Variants in ZBTB49 observed in about 807,000 individuals in gnomAD.
ZBTB49 encodes zinc finger and BTB domain containing 49.
Under a neutral mutation model 57.5 loss-of-function variants are expected in ZBTB49, and 43 were observed. The ratio of observed to expected loss-of-function variants is 0.75; its 90% CI spans 0.59 to 0.97. The LOEUF is 0.97. ZBTB49 is among the 50% of genes least tolerant of loss of function. The pLI is 0.00. For missense variants in ZBTB49, 938 were observed against 947.7 expected, an observed-to-expected ratio of 0.99 and a Z score of 0.13; for synonymous variants, 369 against 362.1, an observed-to-expected ratio of 1.02 and a Z score of -0.22.
At chr4:4,305,836 C>T (rs1720710961) in intron 3 of ZBTB49, among the ~76,000 whole-genome samples, 1 of 152,164 alleles carries the variant, frequency 6.6e-6, no homozygotes, top group Non-Finnish European at 1.5e-5. Context: ...GAAAACTCAA[C>T]CACAGGAAAA....
chr4:4,308,664 A>G (rs1720845759), intron 4 of ZBTB49, among the ~76,000 whole-genome samples: 1 of 152,228 alleles, frequency 6.6e-6, no homozygotes, highest in Non-Finnish European at 1.5e-5. Context: ...GCAAGCCTAC[A>G]GTGTCCATGT....
chr4:4,320,786 G>A lies in ZBTB49; in HGVS notation c.1768G>A (p.Asp590Asn). 1 of 1,614,204 alleles carries A rather than the reference G, an allele frequency of 6.2e-7. No individual in the cohort carries two copies. Among genetic ancestry groups the A allele is most frequent in the Admixed American group, 1.7e-5 (1 of 60,022 alleles). Reference sequence around the variant, plus strand: ...CAAGAAGATGCACTGCAAAGCTGGTGACGAGAGCCCAGATGTGCTGGAGGA... The same window carrying A: ...CAAGAAGATGCACTGCAAAGCTGGTAACGAGAGCCCAGATGTGCTGGAGGA... ...RHKKMHCKAG[D>N]ESPDVLEELS... Residue 590 changes from aspartate to asparagine, a missense_variant, in exon 8 of 8, where the codon GAC becomes AAC. By Grantham distance (23) the Asp-to-Asn change is conservative. Around this residue, in one of 3 missense-constraint regions of ZBTB49, gnomAD observed 835 missense variants for 819.1 expected, o/e 1.02. Coordinates refer to ENST00000337872, the MANE Select transcript of ZBTB49 (RefSeq NM_145291.4).
chr4:4,312,825 G>A (rs894124380), intron 4 of ZBTB49, among the ~76,000 whole-genome samples: 1 of 152,168 alleles, frequency 6.6e-6, no homozygotes, highest in Non-Finnish European at 1.5e-5. Flanking sequence ...ATGGAGGACG[G>A]GGTGGAGACA....
intron 1 of ZBTB49, among the ~76,000 whole-genome samples, chr4:4,299,350 G>A (rs2980169): frequency 0.25 from 37,704 of 152,072 alleles, 5,220 homozygotes; most frequent in Admixed American, 0.32. Flanking sequence ...TCATTGTCTG[G>A]TGATGTTAGG....
chr4:4,303,392 A>C (rs1333826007), intron 3 of ZBTB49, among the ~76,000 whole-genome samples: 3 of 152,158 alleles, frequency 2.0e-5, no homozygotes, highest in Non-Finnish European at 4.4e-5. Context: ...ATTTTGGTGC[A>C]CCCAGAATTT....
At chr4:4,293,279 C>CAACT (rs1032099966) in intron 1 of ZBTB49, among the ~76,000 whole-genome samples, 2 of 152,176 alleles carry the variant, frequency 1.3e-5, no homozygotes, top group African/African-American at 4.8e-5. Flanking sequence ...GGAAGAGAAC[C>CAACT]TTCTGCTCCT....
rs867587940 is a variant in ZBTB49 at position 4,313,061 on chromosome 4, C to T, written c.1323C>T (p.His441=). 6.2e-7 allele frequency: 1 copy of T among 1,614,160 alleles called. No homozygotes were observed. Reference sequence around the variant, plus strand: ...TGCAGGCAGGTAACTTGCAGACTCACTTACGACGGCATTCTGGTGAAAAAC... The same window carrying T: ...TGCAGGCAGGTAACTTGCAGACTCATTTACGACGGCATTCTGGTGAAAAAC... ...HFSQAGNLQT[H]LRRHSGEKPY... The change falls in exon 5 of 8, where the codon CAC becomes CAT. Residue 441 remains histidine, a synonymous_variant. Coordinates refer to ENST00000337872, the MANE Select transcript of ZBTB49 (RefSeq NM_145291.4).
chr4:4,300,508 T>C (rs1047972782), intron 2 of ZBTB49, among the ~76,000 whole-genome samples: 3 of 152,184 alleles, frequency 2.0e-5, no homozygotes, highest in African/African-American at 7.2e-5. Flanking sequence ...GATTTTTCTT[T>C]TCTTTTTTTT....
chr4:4,290,601 C>G (rs115607405), intron 1 of ZBTB49, among the ~76,000 whole-genome samples: 1,702 of 152,336 alleles, frequency 0.011, 25 homozygotes, highest in African/African-American at 0.039. Context: ...GGCCTGGGAG[C>G]CGGGCCTTCT....
intron 1 of ZBTB49, among the ~76,000 whole-genome samples, chr4:4,294,045 A>T (rs1253823714): frequency 6.6e-6 from 1 of 152,264 alleles, no homozygotes; most frequent in African/African-American, 2.4e-5. Flanking sequence ...GGATAATAGT[A>T]GCACCTATCT....
At position 4,321,254 on chromosome 4, in the gene ZBTB49, A is replaced by C; in HGVS notation, c.2236A>C (p.Ser746Arg). The change falls in exon 8 of 8, where the codon AGC (serine) becomes CGC (arginine). Residue 746 changes from serine (S) to arginine (R), a missense_variant. Physicochemically the swap from Ser to Arg is moderately radical, Grantham distance 110 (BLOSUM62 -1). Transcript: ENST00000337872. ...GAACTCAGAGGGTCAGTTTTTCTCC[A>C]GCATGACTCTCTGGGGGCTAGCGAT... ...YRNSEGQFFSSMTLWGLAMKT... is the reference protein window; with the variant it reads ...YRNSEGQFFSRMTLWGLAMKT... 1.2e-6 allele frequency: 2 copies of C among 1,614,126 alleles called. No homozygotes were observed. The highest frequency in any genetic ancestry group is 1.7e-6 in the Non-Finnish European group (2 of 1,180,032).
At chr4:4,300,201 C>CTTTTATA (rs1720415534) in intron 2 of ZBTB49, 104 bp downstream of exon 2, 1 of 1,264,336 alleles carries the variant, frequency 7.9e-7, no homozygotes, top group African/African-American at 1.5e-5. Context: ...CTATCTTTAT[C>CTTTTATA]TTTTATAGCA....
In ZBTB49 at chr4:4,297,924, G is replaced by A. The variant is rs753925607; in HGVS notation, c.-19-2003G>A. ...GAGCGCAGGCAGAGATCTGCAGTCC[G>A]CCTGCTCAGAATCACCGGAATGCCT... On this transcript the variant is annotated intron_variant, in intron 1 of 7. Coordinates refer to ENST00000337872, the MANE Select transcript of ZBTB49 (RefSeq NM_145291.4). 2.6e-5 allele frequency among the ~76,000 whole-genome samples: 4 copies of A among 152,218 alleles called. No individual in the cohort carries two copies. In the East Asian group the frequency reaches 7.7e-4, roughly 29 times the overall value.
intron 7 of ZBTB49, among the ~76,000 whole-genome samples, chr4:4,317,496 C>G (rs1721236933): frequency 6.6e-6 from 1 of 152,108 alleles, no homozygotes. Context: ...CTTCCCAGCC[C>G]TGGCCCCTGG....
intron 7 of ZBTB49, 75 bp from the exon 8 acceptor site, chr4:4,320,565 A>G (rs1428369548): frequency 6.4e-7 from 1 of 1,565,394 alleles, no homozygotes; most frequent in South Asian, 1.2e-5. Context: ...GTTTGAGGCT[A>G]GGAGTTCACG....
At chr4:4,304,184 T>G (rs921277745) in intron 3 of ZBTB49, among the ~76,000 whole-genome samples, 7 of 152,100 alleles carry the variant, frequency 4.6e-5, no homozygotes, top group African/African-American at 1.7e-4. Flanking sequence ...CTTTAGATGA[T>G]TCTGTTTGCC....
rs1041097181 is a variant in ZBTB49, at chr4:4,315,801, C to T, written c.1460-8C>T. 10 of 1,613,928 alleles carry T rather than the reference C, an allele frequency of 6.2e-6. No individual in the cohort carries two copies. The highest frequency in any genetic ancestry group is 6.8e-6 in the Non-Finnish European group (8 of 1,179,988). On this transcript the variant is annotated splice_region_variant and splice_polypyrimidine_tract_variant and intron_variant, in intron 6 of 7. Coordinates refer to ENST00000337872, the MANE Select transcript of ZBTB49 (RefSeq NM_145291.4). ...CCTTCAGCTTAACACCTGTTATGGT[C>T]TCTCTAGGGTTTAGTAACTTCAGTA...
At chr4:4,303,191 T>C (rs962062767) in intron 3 of ZBTB49, 100 bp downstream of exon 3, 3 of 1,347,158 alleles carry the variant, frequency 2.2e-6, no homozygotes, top group African/African-American at 1.5e-5. Flanking sequence ...TGCTGTTGTT[T>C]GATGTCATTG....
rs1721399572 is a variant in ZBTB49 at position 4,321,150 on chromosome 4, T to C, written c.2132T>C (p.Met711Thr). 6.2e-7 allele frequency: 1 copy of C among 1,614,218 alleles called. No homozygotes were observed. The highest frequency in any genetic ancestry group is 8.5e-7 in the Non-Finnish European group (1 of 1,180,034). Residue 711 changes from methionine (M) to threonine (T), a missense_variant, in exon 8 of 8, where the codon ATG becomes ACG. This residue lies in a region of ZBTB49 where 835 missense variants were observed against 819.1 expected (regional missense o/e 1.02). Transcript: ENST00000337872. ...GEPLQADGMA[M>T]IRSSLAALDN... ...CCACTGCAGGCCGATGGCATGGCCA[T>C]GATCCGTTCCTCTCTGGCTGCTTTG...
Sources: gnomAD v4.1 joint callset for allele counts (sites outside exome capture counted in the v4.1 genomes callset) on GRCh38, gnomAD v4.1.1 for gene constraint, gnomAD v4.1.1 regional missense constraint, MANE v1.5 for transcripts, NCBI Gene and HGNC (gene_info 2026-07-23, HGNC 2026-07-21) for gene names.